The following ATXN7L1 variants were observed in gnomAD, a reference collection of about 807,000 sequenced individuals.
ATXN7L1 encodes ataxin-7-like protein 1.
In ATXN7L1, 15 loss-of-function variants were observed where a neutral mutation model predicts 70.8. The ratio of observed to expected loss-of-function variants is 0.21; its 90% confidence interval spans 0.14 to 0.33. ATXN7L1 has a LOEUF of 0.33. Among genes scored for constraint, ATXN7L1 ranks in the 10% least tolerant of loss-of-function variants. The pLI is 1.00. For missense variants in ATXN7L1, 975 were observed against 1,097.1 expected, an observed-to-expected ratio of 0.89 and a Z score of 1.57; for synonymous variants, 440 against 445.1, an observed-to-expected ratio of 0.99 and a Z score of 0.14.
chr7:105,768,306 G>A (rs75341240), intron 3 of ATXN7L1, among the ~76,000 whole-genome samples: 3,142 of 152,314 alleles, frequency 0.021, 95 homozygotes, highest in African/African-American at 0.068. Flanking sequence ...GCAAACAGAG[G>A]TAGGAGGTCA....
At chr7:105,837,887 C>T (rs938355250) in intron 2 of ATXN7L1, among the ~76,000 whole-genome samples, 1 of 152,054 alleles carries the variant, frequency 6.6e-6, no homozygotes. Flanking sequence ...CTGCCTCCCT[C>T]GTGAATGAAC....
intron 5 of ATXN7L1, among the ~76,000 whole-genome samples, chr7:105,641,210 C>CTT (rs1471887959): frequency 4.9e-5 from 3 of 60,622 alleles, no homozygotes; most frequent in Admixed American, 1.8e-4. Flanking sequence ...CTCTCTCTCT[C>CTT]TCTCTTTTTT....
At chr7:105,616,300 C>T (rs888998591) in intron 9 of ATXN7L1, among the ~76,000 whole-genome samples, 2 of 152,164 alleles carry the variant, frequency 1.3e-5, no homozygotes, top group African/African-American at 2.4e-5. Context: ...CAGGTGCCAG[C>T]GAACTCTGGA....
intron 2 of ATXN7L1, among the ~76,000 whole-genome samples, chr7:105,790,582 GAAAGAA>G (rs1247276671): frequency 1.3e-5 from 2 of 150,590 alleles, no homozygotes; most frequent in Non-Finnish European, 3.0e-5. Flanking sequence ...CCCTGTCTCA[GAAAGAA>G]AAAGAAAAAG....
chr7:105,790,452 G>A (rs987449774), intron 2 of ATXN7L1, among the ~76,000 whole-genome samples: 6 of 152,072 alleles, frequency 3.9e-5, no homozygotes, highest in Non-Finnish European at 8.8e-5. Context: ...GAGGTGACTT[G>A]TGCCTGTAGT....
intron 4 of ATXN7L1, among the ~76,000 whole-genome samples, chr7:105,652,736 G>A (rs978691811): frequency 2.0e-5 from 3 of 152,240 alleles, no homozygotes; most frequent in Non-Finnish European, 4.4e-5. Flanking sequence ...GAGACCCTGG[G>A]CTCCCATCCT....
In ATXN7L1 at chr7:105,748,203, C is replaced by T. The variant is rs1022169695; in HGVS notation, c.355+40401G>A. Among the ~76,000 whole-genome samples, 16 of 151,588 alleles carry T rather than the reference C, an allele frequency of 1.1e-4. No individual in the cohort carries two copies. The East Asian group carries it at 2.7e-3, about 26-fold the overall frequency. On this transcript the variant is annotated intron_variant, in intron 3 of 11. Transcript: ENST00000419735. ...AAACACATTGAGCATGATTTTTGCA[C>T]ACACAACACCCAACTCTAATAAAAT...
chr7:105,856,735 C>T (rs550373733), intron 2 of ATXN7L1, among the ~76,000 whole-genome samples: 12 of 152,058 alleles, frequency 7.9e-5, no homozygotes, highest in African/African-American at 2.4e-4. Flanking sequence ...TTTACTAGCA[C>T]AACACTGATT....
At chr7:105,796,055 T>C (rs887282206) in intron 2 of ATXN7L1, among the ~76,000 whole-genome samples, 3 of 152,208 alleles carry the variant, frequency 2.0e-5, no homozygotes, top group African/African-American at 7.2e-5. Context: ...GGAAGGTAGA[T>C]GTGAGCTCTA....
At chr7:105,702,547 CACACACACACACACACAGACACACAT>C (rs1259851052) in intron 3 of ATXN7L1, among the ~76,000 whole-genome samples, 1 of 47,098 alleles carries the variant, frequency 2.1e-5, no homozygotes, top group Non-Finnish European at 3.8e-5. Context: ...AGACCCACAA[CACACACACACACACACAGACACACAT>C]ACACACACAC....
rs377384516 is a variant in ATXN7L1 at position 105,722,616 on chromosome 7, C to T, written c.356-57328G>A. Among the ~76,000 whole-genome samples the T allele has an allele frequency of 7.0e-3, 878 of 125,858 alleles. 10 individuals carry two copies. Among genetic ancestry groups the T allele is most frequent in the African/African-American group, 0.025 (827 of 32,710 alleles). The allele number at this position is 125,858 out of a possible 152,430, so 82.6% of individuals were successfully genotyped here. Reference sequence around the variant, plus strand: ...AAAAAAAAGGTTGGGCTGTGGCTTACGCCTGTAATCCCAGCACTTTGGGAG... The same window carrying T: ...AAAAAAAAGGTTGGGCTGTGGCTTATGCCTGTAATCCCAGCACTTTGGGAG... On this transcript the variant is annotated intron_variant, in intron 3 of 11. Transcript: ENST00000419735.
intron 2 of ATXN7L1, among the ~76,000 whole-genome samples, chr7:105,856,766 A>G (rs1368223936): frequency 6.6e-6 from 1 of 151,998 alleles, no homozygotes; most frequent in Admixed American, 6.6e-5. Flanking sequence ...AGAACTTACA[A>G]ATTAATTGGT....
intron 3 of ATXN7L1, among the ~76,000 whole-genome samples, chr7:105,759,956 C>G (rs1800331377): frequency 6.6e-6 from 1 of 152,126 alleles, no homozygotes; most frequent in African/African-American, 2.4e-5. Context: ...GAGGAGGAAT[C>G]AGCTGGAGGT....
intron 3 of ATXN7L1, among the ~76,000 whole-genome samples, chr7:105,756,038 C>T (rs548666668): frequency 6.6e-6 from 1 of 152,170 alleles, no homozygotes; most frequent in African/African-American, 2.4e-5. Flanking sequence ...ATCACCCACG[C>T]GTGTATCGTC....
At chr7:105,742,371 A>G (rs972106435) in intron 3 of ATXN7L1, among the ~76,000 whole-genome samples, 1 of 152,246 alleles carries the variant, frequency 6.6e-6, no homozygotes, top group African/African-American at 2.4e-5. Flanking sequence ...CATCAGTACA[A>G]TAGGCAATAA....
At chr7:105,708,381 T>G (rs1234988589) in intron 3 of ATXN7L1, among the ~76,000 whole-genome samples, 2 of 152,190 alleles carry the variant, frequency 1.3e-5, no homozygotes, top group Non-Finnish European at 2.9e-5. Flanking sequence ...CCTCTCTTCC[T>G]CAATAAAACA....
At chr7:105,846,829 A>G (rs2116621674) in intron 2 of ATXN7L1, among the ~76,000 whole-genome samples, 1 of 152,350 alleles carries the variant, frequency 6.6e-6, no homozygotes, top group East Asian at 1.9e-4. Flanking sequence ...ACCCTGAAAC[A>G]TTATGCTAAG....
intron 2 of ATXN7L1, among the ~76,000 whole-genome samples, chr7:105,811,253 C>T (rs1808385645): frequency 1.3e-5 from 2 of 152,088 alleles, no homozygotes; most frequent in South Asian, 2.1e-4. Flanking sequence ...AGGGAGAACA[C>T]CATGTGATAA....
chr7:105,803,095 CCT>C (rs551032973), intron 2 of ATXN7L1, among the ~76,000 whole-genome samples: 82 of 152,338 alleles, frequency 5.4e-4, no homozygotes, highest in Non-Finnish European at 9.6e-4. Context: ...ACTTTCTACC[CCT>C]GTGTCAAATC....
Sources: gnomAD v4.1 joint callset for allele counts (sites outside exome capture counted in the v4.1 genomes callset) on GRCh38, gnomAD v4.1.1 for gene constraint, MANE v1.5 for transcripts, NCBI Gene and HGNC (gene_info 2026-07-23, HGNC 2026-07-21) for gene names.